KDSR: variants seen among roughly 807,000 people sequenced by gnomAD.
The protein encoded by KDSR is 3-ketodihydrosphingosine reductase.
A neutral mutation model predicts 41.3 loss-of-function variants in KDSR; 23 were observed. That is an observed-to-expected ratio of 0.56 (90% CI 0.40 to 0.79). KDSR has a LOEUF of 0.79. Among genes scored for constraint, KDSR ranks in the 30% least tolerant of loss-of-function variants. The pLI, the probability that KDSR is intolerant of heterozygous loss-of-function variation, is 0.00. For missense variants in KDSR, 351 were observed against 416.8 expected (o/e 0.84, Z 1.37); for synonymous variants, 138 against 151.7 (o/e 0.91, Z 0.66).
Position 63,361,675 on chromosome 18 carries a change from C to T in KDSR, c.198+1104G>A, listed in dbSNP as rs186197038. On this transcript the variant is annotated intron_variant, in intron 2 of 9. Coordinates refer to ENST00000645214, the MANE Select transcript of KDSR (RefSeq NM_002035.4). Reference sequence around the variant, plus strand: ...ACTAAAAATACAAAAATTAGCCAGGCGTGGTGGTGGGCGCCTGTAGTCCCA... The same window carrying T: ...ACTAAAAATACAAAAATTAGCCAGGTGTGGTGGTGGGCGCCTGTAGTCCCA... Among the ~76,000 whole-genome samples the T allele has an allele frequency of 1.6e-3, 249 of 151,904 alleles. 1 individual carries two copies. The highest frequency in any genetic ancestry group is 5.4e-3 in the African/African-American group (222 of 41,434).
chr18:63,355,184 G>A lies in KDSR; in HGVS notation c.417+20C>T, dbSNP rs1484268673. On this transcript the variant is annotated intron_variant, in intron 5 of 9. Transcript: ENST00000645214. Reference sequence around the variant, plus strand: ...CTTTTAGCATATGTGCTACTGCAGTGAGCAAACATTTTTACTTACTTCAAA... The same window carrying A: ...CTTTTAGCATATGTGCTACTGCAGTAAGCAAACATTTTTACTTACTTCAAA... 1.3e-6 allele frequency: 2 copies of A among 1,538,294 alleles called. No homozygotes were observed. Among genetic ancestry groups the A allele is most frequent in the African/African-American group, 2.7e-5 (2 of 73,546 alleles).
intron 9 of KDSR, among the ~76,000 whole-genome samples, chr18:63,332,769 G>A (rs1162733086): frequency 7.4e-5 from 11 of 149,634 alleles, no homozygotes; most frequent in Admixed American, 2.0e-4. Flanking sequence ...GAGGCAGAGC[G>A]TGCAGTGAGC....
chr18:63,336,844 C>T (rs1214525622), intron 8 of KDSR, among the ~76,000 whole-genome samples: 1 of 152,020 alleles, frequency 6.6e-6, no homozygotes, highest in Admixed American at 6.5e-5. Flanking sequence ...ATAGTCTTCC[C>T]TTTCCCAACT....
In KDSR at chr18:63,329,472, A is replaced by G. The variant is rs1439524175; in HGVS notation, c.*2310T>C. The G allele has an allele frequency of 4.9e-6, 1 of 205,630 alleles. No individual in the cohort carries two copies. The highest frequency in any genetic ancestry group is 7.4e-5 in the East Asian group (1 of 13,482). 12.7% of individuals were successfully genotyped at this position (205,630 alleles called of 1,614,324 possible). The stretch of plus-strand genomic sequence containing the variant: ...ATCAAATTTAGAAAAACACAAACCA[A>G]CTTAGATTTCGAAGTTTCTTTGCTA... On this transcript the variant is annotated 3_prime_UTR_variant, in exon 10 of 10. Transcript: ENST00000645214.
At position 63,329,219 on chromosome 18, in the gene KDSR, G is replaced by A. The variant is rs531042012; in HGVS notation, c.*2563C>T. The stretch of plus-strand genomic sequence containing the variant: ...GCCTACAACCCCTTATCCAAAACCC[G>A]CTGGGCTGGATGTGTTTCAGAATTC... On this transcript the variant is annotated 3_prime_UTR_variant, in exon 10 of 10. Coordinates refer to ENST00000645214, the MANE Select transcript of KDSR (RefSeq NM_002035.4). 5 of 208,470 alleles carry A rather than the reference G, an allele frequency of 2.4e-5. No homozygotes were observed. Among genetic ancestry groups the A allele is most frequent in the Admixed American group, 5.9e-5 (1 of 16,864 alleles). The allele number at this position is 208,470 out of a possible 1,614,324, so 12.9% of individuals were successfully genotyped here.
intron 3 of KDSR, among the ~76,000 whole-genome samples, chr18:63,357,594 A>ATATATTTTTT (rs1555715128): frequency 1.7e-4 from 21 of 120,776 alleles, no homozygotes; most frequent in East Asian, 2.4e-4. Context: ...ATATATATAT[A>ATATATTTTTT]TTTTTTTTTG....
intron 2 of KDSR, 27 bp from the exon 3 acceptor site, chr18:63,359,819 G>A (rs745958071): frequency 4.5e-5 from 69 of 1,531,072 alleles, no homozygotes; most frequent in Non-Finnish European, 5.4e-5. Flanking sequence ...ATAATTAGTC[G>A]TGATGACCGT....
At chr18:63,346,589 G>A (rs1914509237) in intron 6 of KDSR, 1 of 152,158 alleles carries the variant, frequency 6.6e-6, no homozygotes, top group Non-Finnish European at 1.5e-5. Context: ...GGTTAAAACA[G>A]AGCTTTTCAG....
rs190130261 is a variant in KDSR at position 63,330,682 on chromosome 18, G to A, written c.*1100C>T. On this transcript the variant is annotated 3_prime_UTR_variant, in exon 10 of 10. Transcript: ENST00000645214. The stretch of plus-strand genomic sequence containing the variant: ...ATGAGCAAACTTTATACCATCATCA[G>A]CCTTTCCTAAAAGCTACATATATGC... 6.2e-4 allele frequency: 144 copies of A among 231,312 alleles called. No individual in the cohort carries two copies. Among genetic ancestry groups the A allele is most frequent in the African/African-American group, 2.9e-3 (131 of 45,312 alleles). 14.3% of individuals were successfully genotyped at this position (231,312 alleles called of 1,614,324 possible).
At position 63,335,362 on chromosome 18, in the gene KDSR, A is replaced by ATTT. The variant is rs1185050795; in HGVS notation, c.778-5_778-4insAAA. The ATTT allele has an allele frequency of 1.9e-6, 3 of 1,596,036 alleles. No homozygotes were observed. The highest frequency in any genetic ancestry group is 2.6e-6 in the Non-Finnish European group (3 of 1,163,792). On this transcript the variant is annotated splice_region_variant and splice_polypyrimidine_tract_variant and intron_variant, in intron 8 of 9. Transcript: ENST00000645214. The stretch of plus-strand genomic sequence containing the variant: ...GGGAACTGTTGAAATTTCCTTGCTA[A>ATTT]AAGAGAAGAAAAAGAAGAGAAAGAG...
intron 9 of KDSR, among the ~76,000 whole-genome samples, chr18:63,332,214 C>T (rs1469873136): frequency 6.6e-6 from 1 of 152,146 alleles, no homozygotes; most frequent in Non-Finnish European, 1.5e-5. Flanking sequence ...TCTCAAATAG[C>T]CAAACTACAA....
chr18:63,336,706 A>C (rs888275349), intron 8 of KDSR, among the ~76,000 whole-genome samples: 28 of 152,246 alleles, frequency 1.8e-4, no homozygotes, highest in African/African-American at 6.8e-4. Flanking sequence ...AATGTAACAG[A>C]GAACAAAACA....
Position 63,355,289 on chromosome 18 carries a change from T to G in KDSR, c.332A>C (p.Lys111Thr), listed in dbSNP as rs1240381719. 6.2e-7 allele frequency: 1 copy of G among 1,614,078 alleles called. No individual in the cohort carries two copies. Among genetic ancestry groups the G allele is most frequent in the Non-Finnish European group, 8.5e-7 (1 of 1,179,962 alleles). Residue 111 changes from lysine to threonine, a missense_variant, in exon 5 of 10, where the codon AAA becomes ACA. By Grantham distance (78) the Lys-to-Thr change is moderately conservative. Transcript: ENST00000645214. ...VENVIKQAQEKLGPVDMLVNC... is the reference protein window; with the variant it reads ...VENVIKQAQETLGPVDMLVNC... ...TACCAGCATGTCCACTGGACCCAGT[T>G]TCTCCTGTGCCTAGAAAAATGTAGC...
intron 5 of KDSR, 70 bp from the exon 6 acceptor site, chr18:63,351,149 T>G (rs1914653760): frequency 7.6e-6 from 10 of 1,315,618 alleles, no homozygotes; most frequent in Non-Finnish European, 9.3e-6. Flanking sequence ...TTTAGTCTGC[T>G]TTCTGGATTT....
In KDSR at chr18:63,361,605, A is replaced by G. The variant is rs551838555; in HGVS notation, c.198+1174T>C. ...GCCAAGGCGGGCGGATCACAAGGTC[A>G]GGAGTTCCAGACCAGCCTGACCAAC... is the stretch of plus-strand genomic sequence containing the variant. On this transcript the variant is annotated intron_variant, in intron 2 of 9. Transcript: ENST00000645214. Among the ~76,000 whole-genome samples, 28 of 152,108 alleles carry G rather than the reference A, an allele frequency of 1.8e-4. 1 individual carries two copies. Among genetic ancestry groups the G allele is most frequent in the Non-Finnish European group, 2.9e-4 (20 of 68,028 alleles).
intron 1 of KDSR, among the ~76,000 whole-genome samples, chr18:63,364,468 C>T (rs577009710): frequency 6.7e-6 from 1 of 148,996 alleles, no homozygotes; most frequent in Admixed American, 6.7e-5. Flanking sequence ...TTTTTTGAGA[C>T]AGTCTTGCTC....
At chr18:63,362,660 C>A in intron 2 of KDSR, 119 bp downstream of exon 2, 1 of 657,294 alleles carries the variant, frequency 1.5e-6, no homozygotes, top group South Asian at 2.0e-5. Context: ...TCAGGAAACA[C>A]ATCTCACATC....
intron 8 of KDSR, among the ~76,000 whole-genome samples, chr18:63,338,362 A>C (rs918038877): frequency 6.6e-6 from 1 of 152,248 alleles, no homozygotes; most frequent in Admixed American, 6.5e-5. Context: ...GAATTAAAAA[A>C]CATATCAACA....
At position 63,331,815 on chromosome 18, in the gene KDSR, T is replaced by A; in HGVS notation, c.966A>T (p.Arg322Ser). ...DSIVRRCMMQ[R>S]EKSENADKTA ...TTTTGTCTGCATTTTCAGATTTTTC[T>A]CTCTGCATCATGCAGCGACGAACTA... Residue 322 changes from arginine (R) to serine (S), a missense_variant, in exon 10 of 10, where the codon AGA becomes AGT. Transcript: ENST00000645214. The A allele has an allele frequency of 6.2e-7, 1 of 1,613,976 alleles. No homozygotes were observed. Among genetic ancestry groups the A allele is most frequent in the Non-Finnish European group, 8.5e-7 (1 of 1,179,932 alleles).
Sources: gnomAD v4.1 joint callset for allele counts (sites outside exome capture counted in the v4.1 genomes callset) on GRCh38, gnomAD v4.1.1 for gene constraint, MANE v1.5 for transcripts, NCBI Gene and HGNC (gene_info 2026-07-23, HGNC 2026-07-21) for gene names.